Variants in RPA3 observed in about 807,000 individuals in gnomAD.
RPA3 encodes the protein replication protein A3.
A neutral mutation model predicts 13.7 loss-of-function variants in RPA3; 24 were observed. That is an observed-to-expected ratio of 1.75 (90% confidence interval 1.27 to 2.46). RPA3 has a LOEUF of 2.46. RPA3 is among the 30% of genes most tolerant of loss of function. The pLI, the probability that RPA3 is intolerant of heterozygous loss-of-function variation, is 0.00. For synonymous variants in RPA3, 59 were observed against 51.2 expected, an observed-to-expected ratio of 1.15 and a Z score of -0.65; for missense variants, 183 against 151.0, an observed-to-expected ratio of 1.21 and a Z score of -1.11.
intron 6 of RPA3, chr7:7,638,360 A>T (rs777071315): frequency 3.2e-5 from 5 of 153,962 alleles, no homozygotes; most frequent in Non-Finnish European, 7.2e-5. Context: ...TACCAAAAAA[A>T]GTTTTAAGTA....
intron 4 of RPA3, among the ~76,000 whole-genome samples, chr7:7,677,920 G>A (rs549014543): frequency 7.1e-4 from 107 of 151,702 alleles, no homozygotes; most frequent in Non-Finnish European, 5.4e-4. Flanking sequence ...TGATCCGCCC[G>A]CCTCGGCCTC....
intron 2 of RPA3, among the ~76,000 whole-genome samples, chr7:7,691,952 A>G (rs1780182705): frequency 6.6e-6 from 1 of 152,234 alleles, no homozygotes; most frequent in Non-Finnish European, 1.5e-5. Flanking sequence ...GAAAAATTTT[A>G]TAACTGTTCC....
intron 4 of RPA3, among the ~76,000 whole-genome samples, chr7:7,665,891 G>T (rs1309269177): frequency 6.7e-6 from 1 of 148,914 alleles, no homozygotes; most frequent in Non-Finnish European, 1.5e-5. Context: ...TTTTACTACC[G>T]AATGGGATGC....
At chr7:7,708,334 G>A (rs1780657677) in intron 2 of RPA3, among the ~76,000 whole-genome samples, 1 of 152,132 alleles carries the variant, frequency 6.6e-6, no homozygotes, top group Non-Finnish European at 1.5e-5. Context: ...ACTTGTAGAC[G>A]AAGGAAGACA....
chr7:7,660,996 A>G (rs754294096), intron 4 of RPA3, among the ~76,000 whole-genome samples: 4 of 88,990 alleles, frequency 4.5e-5, no homozygotes, highest in African/African-American at 1.1e-4. Context: ...GGCTTTGTTC[A>G]TTCCTTTTGA....
intron 4 of RPA3, among the ~76,000 whole-genome samples, chr7:7,681,703 C>G (rs1653869062): frequency 6.6e-6 from 1 of 152,044 alleles, no homozygotes; most frequent in African/African-American, 2.4e-5. Context: ...TAGCCTTATA[C>G]TACTATTTAA....
At chr7:7,717,196 A>G (rs1729004588) in intron 1 of RPA3, among the ~76,000 whole-genome samples, 1 of 151,526 alleles carries the variant, frequency 6.6e-6, no homozygotes, top group Non-Finnish European at 1.5e-5. Flanking sequence ...AGCTGGGACT[A>G]CCGGTATGCG....
intron 4 of RPA3, among the ~76,000 whole-genome samples, chr7:7,669,911 C>T (rs1037546048): frequency 2.6e-5 from 4 of 152,052 alleles, no homozygotes; most frequent in Admixed American, 6.5e-5. Flanking sequence ...ACTTTTGGAG[C>T]CTAAATTATC....
In RPA3 at chr7:7,652,809, C is replaced by A. The variant is rs886723; in HGVS notation, c.-757-11634G>T. 3.3e-5 allele frequency among the ~76,000 whole-genome samples: 5 copies of A among 152,336 alleles called. No homozygotes were observed. In the South Asian group the frequency reaches 8.3e-4, roughly 25 times the overall value. ...CAATGGGGAGGAAGTAGTAAGCCTT[C>A]TGATGATGCAGTCAGGCTATATTGA... On this transcript the variant is annotated intron_variant, in intron 4 of 7. Coordinates refer to ENST00000223129, the MANE Select transcript of RPA3 (RefSeq NM_002947.5).
chr7:7,718,147 T>C (rs997742337), intron 1 of RPA3, among the ~76,000 whole-genome samples: 4 of 152,226 alleles, frequency 2.6e-5, no homozygotes, highest in African/African-American at 9.6e-5. Flanking sequence ...AAAACTGGTA[T>C]TAATTTGGGA....
At chr7:7,710,088 T>C (rs1456367981) in intron 2 of RPA3, among the ~76,000 whole-genome samples, 1 of 152,222 alleles carries the variant, frequency 6.6e-6, no homozygotes, top group Non-Finnish European at 1.5e-5. Context: ...CTCAGTATCA[T>C]GTATCTGGTC....
chr7:7,689,655 A>G (rs1780127163), intron 2 of RPA3, among the ~76,000 whole-genome samples: 1 of 152,210 alleles, frequency 6.6e-6, no homozygotes, highest in African/African-American at 2.4e-5. Context: ...ATATCTCAGT[A>G]AAGCTCTTCA....
At chr7:7,663,970 T>G (rs1779367859) in intron 4 of RPA3, among the ~76,000 whole-genome samples, 2 of 152,242 alleles carry the variant, frequency 1.3e-5, no homozygotes, top group South Asian at 4.1e-4. Flanking sequence ...TTCCTTCTAC[T>G]GATTAGATTT....
intron 2 of RPA3, among the ~76,000 whole-genome samples, chr7:7,711,284 C>T (rs536283568): frequency 2.0e-5 from 3 of 152,198 alleles, no homozygotes; most frequent in African/African-American, 7.2e-5. Context: ...TAAAAGACAA[C>T]ATGATGCTGT....
intron 3 of RPA3, 140 bp from the exon 4 acceptor site, chr7:7,686,138 G>T (rs999670369): frequency 6.6e-6 from 1 of 152,126 alleles, no homozygotes; most frequent in Non-Finnish European, 1.5e-5. Context: ...AGAATTGCTG[G>T]AATAATTATT....
At chr7:7,711,653 C>T (rs1222136451) in intron 2 of RPA3, among the ~76,000 whole-genome samples, 6 of 151,930 alleles carry the variant, frequency 3.9e-5, no homozygotes, top group African/African-American at 1.4e-4. Flanking sequence ...TTTTTTTGCT[C>T]AGTAAAATCA....
chr7:7,676,496 T>C (rs935039577), intron 4 of RPA3, among the ~76,000 whole-genome samples: 4 of 152,220 alleles, frequency 2.6e-5, no homozygotes, highest in Non-Finnish European at 4.4e-5. Context: ...AAAAAAGTTA[T>C]ATCATCAGTT....
intron 1 of RPA3, among the ~76,000 whole-genome samples, chr7:7,718,182 A>G (rs1220343588): frequency 6.6e-6 from 1 of 152,162 alleles, no homozygotes; most frequent in East Asian, 1.9e-4. Context: ...AACTTGAGTG[A>G]TTTTTCCAAA....
chr7:7,638,055 T>A, intron 6 of RPA3, 83 bp from the exon 7 acceptor site: 2 of 913,204 alleles, frequency 2.2e-6, no homozygotes, highest in Non-Finnish European at 3.4e-6. Flanking sequence ...TACAGGTTAC[T>A]AATCTATCAC....
Sources: gnomAD v4.1 joint callset for allele counts (sites outside exome capture counted in the v4.1 genomes callset) on GRCh38, gnomAD v4.1.1 for gene constraint, MANE v1.5 for transcripts, NCBI Gene and HGNC (gene_info 2026-07-23, HGNC 2026-07-21) for gene names.